Variants in GPR158 observed in about 807,000 individuals in gnomAD.
GPR158 encodes G protein-coupled receptor 158.
A neutral mutation model predicts 78.2 loss-of-function variants in GPR158; 30 were observed. The ratio of observed to expected loss-of-function variants is 0.38; its 90% CI spans 0.29 to 0.52. The LOEUF (loss-of-function observed/expected upper bound fraction) is 0.52. Among genes scored for constraint, GPR158 ranks in the 20% least tolerant of loss-of-function variants. The pLI, the probability that GPR158 is intolerant of heterozygous loss-of-function variation, is 0.83. For missense variants in GPR158, 1,463 were observed against 1,523.5 expected (o/e 0.96, Z 0.66); for synonymous variants, 581 against 591.1 (o/e 0.98, Z 0.25).
At chr10:25,220,481 AAAG>A (rs1853283695) in intron 1 of GPR158, among the ~76,000 whole-genome samples, 3 of 152,224 alleles carry the variant, frequency 2.0e-5, no homozygotes, top group African/African-American at 7.2e-5. Flanking sequence ...TTAAAAGAAA[AAAG>A]AATGTAGTCA....
intron 4 of GPR158, among the ~76,000 whole-genome samples, chr10:25,465,800 G>GCA (rs1285900790): frequency 6.6e-6 from 1 of 152,184 alleles, no homozygotes; most frequent in Admixed American, 6.5e-5. Flanking sequence ...CATTCAGTAT[G>GCA]CACTGGTGGC....
chr10:25,280,355 C>A (rs975977347), intron 2 of GPR158, among the ~76,000 whole-genome samples: 1 of 151,942 alleles, frequency 6.6e-6, no homozygotes, highest in Non-Finnish European at 1.5e-5. Context: ...GACTTGAAGG[C>A]AAAAAGAACT....
intron 9 of GPR158, among the ~76,000 whole-genome samples, chr10:25,595,452 A>T (rs1837387206): frequency 6.6e-6 from 1 of 152,224 alleles, no homozygotes; most frequent in Non-Finnish European, 1.5e-5. Context: ...TTGTAGAAGG[A>T]TGTTCATAGC....
chr10:25,346,414 T>C (rs1407596007), intron 2 of GPR158, among the ~76,000 whole-genome samples: 1 of 151,910 alleles, frequency 6.6e-6, no homozygotes, highest in Non-Finnish European at 1.5e-5. Flanking sequence ...AGGTGTCCAT[T>C]ATAAACAAAC....
At position 25,598,781 on chromosome 10, in the gene GPR158, C is replaced by T; in HGVS notation, c.3155C>T (p.Pro1052Leu). 6.2e-7 allele frequency: 1 copy of T among 1,614,046 alleles called. No homozygotes were observed. The highest frequency in any genetic ancestry group is 8.5e-7 in the Non-Finnish European group (1 of 1,180,008). The change falls in exon 11 of 11, where the codon CCT becomes CTT. Residue 1052 changes from proline to leucine, a missense_variant. Transcript: ENST00000376351. ...TTAAAGGAGAAATCTCACCACAAGC[C>T]TAAGGCAGCTGAGGTTTGTCAGCAA... is the stretch of plus-strand genomic sequence containing the variant. The part of the protein sequence containing the change: ...FSLKEKSHHK[P>L]KAAEVCQQSN...
At chr10:25,316,002 G>C (rs1195212566) in intron 2 of GPR158, among the ~76,000 whole-genome samples, 2 of 152,112 alleles carry the variant, frequency 1.3e-5, no homozygotes, top group Non-Finnish European at 2.9e-5. Context: ...CAGTTTAGCT[G>C]AATATAAATA....
At chr10:25,497,421 T>C (rs1473589713) in intron 5 of GPR158, among the ~76,000 whole-genome samples, 2 of 152,174 alleles carry the variant, frequency 1.3e-5, no homozygotes, top group Admixed American at 6.6e-5. Flanking sequence ...ATAAAGCGCC[T>C]ATTAACAGTC....
At chr10:25,219,674 G>GT (rs1160713757) in intron 1 of GPR158, among the ~76,000 whole-genome samples, 1 of 152,124 alleles carries the variant, frequency 6.6e-6, no homozygotes, top group African/African-American at 2.4e-5. Flanking sequence ...TTTCTCACAG[G>GT]TTAAAGAACA....
At chr10:25,335,114 G>A (rs1326674418) in intron 2 of GPR158, among the ~76,000 whole-genome samples, 2 of 152,040 alleles carry the variant, frequency 1.3e-5, no homozygotes, top group Non-Finnish European at 2.9e-5. Flanking sequence ...TATAAGTATG[G>A]TCAACAGATT....
At chr10:25,230,428 G>A (rs1430697164) in intron 2 of GPR158, among the ~76,000 whole-genome samples, 1 of 152,146 alleles carries the variant, frequency 6.6e-6, no homozygotes, top group Non-Finnish European at 1.5e-5. Flanking sequence ...ACCTAAAATG[G>A]TATGACAGTT....
chr10:25,367,885 A>T (rs1461649578), intron 2 of GPR158, among the ~76,000 whole-genome samples: 2 of 151,772 alleles, frequency 1.3e-5, no homozygotes, highest in African/African-American at 4.8e-5. Flanking sequence ...TGCTCTTTGG[A>T]TATATGCCAA....
At chr10:25,310,661 A>G (rs913767206) in intron 2 of GPR158, among the ~76,000 whole-genome samples, 4 of 152,048 alleles carry the variant, frequency 2.6e-5, no homozygotes, top group African/African-American at 9.7e-5. Flanking sequence ...AAAGTTGCAA[A>G]TCTTTTCTCA....
Position 25,551,084 on chromosome 10 carries a change from A to G in GPR158, c.1513A>G (p.Arg505Gly). 2 of 1,467,720 alleles carry G rather than the reference A, an allele frequency of 1.4e-6. No homozygotes were observed. Among genetic ancestry groups the G allele is most frequent in the Non-Finnish European group, 1.9e-6 (2 of 1,046,496 alleles). 90.9% of individuals were successfully genotyped at this position (1,467,720 alleles called of 1,614,324 possible). A position where few individuals can be genotyped will look rare whatever the true frequency, so the allele number is the denominator to read the frequency against. The change falls in exon 6 of 11, where the codon AGG becomes GGG. Residue 505 changes from arginine to glycine, a missense_variant and splice_region_variant. Arg to Gly is a moderately radical substitution (Grantham distance 125). Transcript: ENST00000376351. ...CGGAACTGTCACTCTCAAACTTCAC[A>G]GGTATATACATTTTATTCATCGTCA... Reference protein sequence around the residue: ...VYGTVTLKLHRVLKVFLSRTA... With the variant: ...VYGTVTLKLHGVLKVFLSRTA...
At chr10:25,305,679 GT>G (rs1564416771) in intron 2 of GPR158, among the ~76,000 whole-genome samples, 1 of 152,076 alleles carries the variant, frequency 6.6e-6, no homozygotes, top group African/African-American at 2.4e-5. Flanking sequence ...CTTAACCATG[GT>G]TTTTAACTTT....
intron 4 of GPR158, among the ~76,000 whole-genome samples, chr10:25,430,611 A>G (rs1366366716): frequency 6.6e-6 from 1 of 151,184 alleles, no homozygotes; most frequent in Non-Finnish European, 1.5e-5. Context: ...ACTTCAAACT[A>G]TACTACAAGG....
At chr10:25,360,197 G>A in intron 2 of GPR158, among the ~76,000 whole-genome samples, 1 of 152,140 alleles carries the variant, frequency 6.6e-6, no homozygotes, top group East Asian at 1.9e-4. Flanking sequence ...CTCCCATTCT[G>A]TAGGTTGCCT....
At chr10:25,520,658 T>A (rs1213889715) in intron 5 of GPR158, among the ~76,000 whole-genome samples, 2 of 151,468 alleles carry the variant, frequency 1.3e-5, no homozygotes, top group African/African-American at 4.9e-5. Flanking sequence ...GTGCCCCTGC[T>A]GGGGGGTGCC....
intron 4 of GPR158, among the ~76,000 whole-genome samples, chr10:25,413,946 T>C (rs950568431): frequency 6.6e-6 from 1 of 152,086 alleles, no homozygotes; most frequent in Non-Finnish European, 1.5e-5. Context: ...CCAAGTAGAG[T>C]TGAGAAATAT....
intron 5 of GPR158, among the ~76,000 whole-genome samples, chr10:25,468,483 T>C (rs1435739122): frequency 6.6e-6 from 1 of 152,186 alleles, no homozygotes; most frequent in East Asian, 1.9e-4. Flanking sequence ...TAAGTGTGAC[T>C]GCATATGAAA....
Sources: allele counts gnomAD v4.1 joint callset (sites outside exome capture counted in the v4.1 genomes callset), GRCh38; gene constraint gnomAD v4.1.1; transcripts MANE v1.5; gene names NCBI Gene and HGNC (gene_info 2026-07-23, HGNC 2026-07-21).